Variants in CHD1L observed in about 807,000 individuals in gnomAD.
CHD1L encodes ATP-dependent chromatin remodeler CHD1L.
In CHD1L, 118 loss-of-function variants were observed where a neutral mutation model predicts 115.9. The observed-to-expected ratio is 1.02, with a 90% CI of 0.88 to 1.19. The LOEUF (loss-of-function observed/expected upper bound fraction) is 1.19. CHD1L is among the 50% of genes most tolerant of loss of function. CHD1L has a pLI of 0.00. For synonymous variants in CHD1L, 411 were observed against 387.1 expected (o/e 1.06, Z -0.72); for missense variants, 1,179 against 1,065.3 (o/e 1.11, Z -1.49).
chr1:147,207,001 T>C, the CHD1L span, among the ~76,000 whole-genome samples: 1 of 151,846 alleles, frequency 6.6e-6, no homozygotes, highest in Non-Finnish European at 1.5e-5. Context: ...TGTGATTGAT[T>C]ACCTGACAGG....
At chr1:147,194,864 T>C in the CHD1L span, among the ~76,000 whole-genome samples, 907 of 152,258 alleles carry the variant, frequency 6.0e-3, 4 homozygotes, top group Middle Eastern at 0.01. Flanking sequence ...GTAGAGTTAC[T>C]GCCGAGAGAT....
chr1:147,178,421 T>C, the CHD1L span: 1 of 1,611,348 alleles, frequency 6.2e-7, no homozygotes, highest in Non-Finnish European at 8.5e-7. Context: ...TATCCAACCC[T>C]GAATATGTTT....
chr1:147,209,118 T>G, the CHD1L span: 2 of 1,412,012 alleles, frequency 1.4e-6, no homozygotes, highest in Admixed American at 1.9e-5. Flanking sequence ...GCACCCCCAT[T>G]TTCTTCAAGA....
the CHD1L span, among the ~76,000 whole-genome samples, chr1:147,192,443 C>T: frequency 6.6e-6 from 1 of 152,108 alleles, no homozygotes; most frequent in Non-Finnish European, 1.5e-5. Flanking sequence ...GATATACAAT[C>T]ATGTCGTCTG....
the CHD1L span, chr1:147,210,609 A>G: frequency 2.0e-5 from 3 of 152,202 alleles, no homozygotes; most frequent in African/African-American, 4.8e-5. Flanking sequence ...TGCTGGCTAT[A>G]TAACTTCTGC....
intron 12 of CHD1L, among the ~76,000 whole-genome samples, chr1:147,273,548 C>G (rs1188952071): frequency 2.0e-5 from 3 of 152,170 alleles, no homozygotes; most frequent in African/African-American, 7.2e-5. Flanking sequence ...GCCATTTTCT[C>G]ATGTGATCAG....
intron 6 of CHD1L, among the ~76,000 whole-genome samples, chr1:147,264,215 CCTT>C (rs1429763256): frequency 2.0e-5 from 3 of 152,114 alleles, no homozygotes; most frequent in African/African-American, 4.8e-5. Flanking sequence ...ATTATTGTCC[CCTT>C]CTTATAGTTG....
the CHD1L span, among the ~76,000 whole-genome samples, chr1:147,183,291 C>T: frequency 6.6e-6 from 1 of 152,172 alleles, no homozygotes; most frequent in East Asian, 1.9e-4. Context: ...ATGTTAATCA[C>T]CCTTTAATCT....
At chr1:147,243,423 C>T (rs1665498680) in intron 1 of CHD1L, among the ~76,000 whole-genome samples, 3 of 151,806 alleles carry the variant, frequency 2.0e-5, no homozygotes, top group Non-Finnish European at 4.4e-5. Context: ...GACTGAACCA[C>T]GTACTATATG....
intron 1 of CHD1L, among the ~76,000 whole-genome samples, chr1:147,245,692 T>G (rs1020792030): frequency 1.2e-5 from 1 of 86,560 alleles, no homozygotes. Flanking sequence ...TTTTGAAAAT[T>G]CAACTTTTTT....
chr1:147,251,968 T>G (rs1668553185), intron 1 of CHD1L, among the ~76,000 whole-genome samples: 1 of 152,236 alleles, frequency 6.6e-6, no homozygotes, highest in African/African-American at 2.4e-5. Context: ...TTGCTAATAG[T>G]TCTTATATAA....
At chr1:147,285,280 A>C in intron 16 of CHD1L, 44 bp from the exon 17 acceptor site, 2 of 1,585,650 alleles carry the variant, frequency 1.3e-6, no homozygotes, top group Non-Finnish European at 8.6e-7. Flanking sequence ...AAATTCGGGG[A>C]GGAATCTTCT....
At position 147,254,902 on chromosome 1, in the gene CHD1L, A is replaced by AT; in HGVS notation, c.275dup (p.Leu92PhefsTer3). The stretch of plus-strand genomic sequence containing the variant: ...CTCTCTTCATTTATTTGGCAGGAAG[A>AT]TTAAATGATGAAGGGCCATTTCTGA... On this transcript the variant is annotated frameshift_variant, in exon 3 of 23. Coordinates refer to ENST00000369258, the MANE Select transcript of CHD1L (RefSeq NM_004284.6). LOFTEE classifies it high-confidence loss of function. The AT allele has an allele frequency of 6.2e-7, 1 of 1,608,020 alleles. No homozygotes were observed. The highest frequency in any genetic ancestry group is 8.5e-7 in the Non-Finnish European group (1 of 1,178,360).
the CHD1L span, chr1:147,178,673 C>G: frequency 3.2e-6 from 5 of 1,573,938 alleles, no homozygotes; most frequent in Non-Finnish European, 4.4e-6. Context: ...TTTGCACATA[C>G]GAATGTTGAG....
At chr1:147,280,537 C>T (rs1553961286) in intron 15 of CHD1L, among the ~76,000 whole-genome samples, 1 of 152,204 alleles carries the variant, frequency 6.6e-6, no homozygotes, top group Non-Finnish European at 1.5e-5. Context: ...ATGCTTTGCA[C>T]ATAGCGATTC....
intron 20 of CHD1L, 49 bp from the exon 21 acceptor site, chr1:147,293,559 G>C (rs782331810): frequency 2.0e-6 from 3 of 1,515,194 alleles, no homozygotes; most frequent in Non-Finnish European, 2.7e-6. Flanking sequence ...ACTTGGTTGA[G>C]TGTGGCTGTT....
the CHD1L span, among the ~76,000 whole-genome samples, chr1:147,228,695 C>T: frequency 3.9e-5 from 6 of 152,138 alleles, no homozygotes; most frequent in Non-Finnish European, 8.8e-5. Context: ...TTTTAATGAT[C>T]CCCATTCTAA....
chr1:147,224,813 C>A, the CHD1L span: 12 of 1,431,880 alleles, frequency 8.4e-6, no homozygotes, highest in African/African-American at 1.7e-4. Context: ...GCCCGGCCAC[C>A]TGACACTGTT....
At chr1:147,257,082 C>T (rs1308633175) in intron 5 of CHD1L, among the ~76,000 whole-genome samples, 1 of 152,110 alleles carries the variant, frequency 6.6e-6, no homozygotes, top group Non-Finnish European at 1.5e-5. Context: ...AAATCAGAAA[C>T]TCAGCAATAC....
Sources: allele counts gnomAD v4.1 joint callset (sites outside exome capture counted in the v4.1 genomes callset), GRCh38; gene constraint gnomAD v4.1.1; transcripts MANE v1.5; gene names NCBI Gene and HGNC (gene_info 2026-07-23, HGNC 2026-07-21).